The following CMPK2 variants were observed in gnomAD, a reference collection of about 807,000 sequenced individuals.
The protein encoded by CMPK2 is UMP-CMP kinase 2, mitochondrial.
A neutral mutation model predicts 33.4 loss-of-function variants in CMPK2; 32 were observed. That is an observed-to-expected ratio of 0.96 (90% CI 0.72 to 1.29). The LOEUF (loss-of-function observed/expected upper bound fraction) is 1.29. Among genes scored for constraint, CMPK2 ranks in the 50% most tolerant of loss-of-function variants. The probability of loss-of-function intolerance (pLI) is 0.00; values close to 1 mark genes in which losing one functional copy is unlikely to be tolerated. For missense variants in CMPK2, 672 were observed against 616.0 expected, an observed-to-expected ratio of 1.09 and a Z score of -0.96; for synonymous variants, 299 against 275.3, an observed-to-expected ratio of 1.09 and a Z score of -0.85.
At chr2:6,842,117 A>C (rs140067251) in intron 3 of CMPK2, among the ~76,000 whole-genome samples, 1 of 152,272 alleles carries the variant, frequency 6.6e-6, no homozygotes, top group East Asian at 1.9e-4. Context: ...CTTGTTCTAT[A>C]ATAGAACTTT....
At chr2:6,842,211 T>C (rs1366192343) in intron 3 of CMPK2, among the ~76,000 whole-genome samples, 2 of 152,224 alleles carry the variant, frequency 1.3e-5, no homozygotes, top group Admixed American at 1.3e-4. Context: ...ATCACTATTT[T>C]TTCACAATCA....
chr2:6,847,217 C>T (rs1021158736), downstream of CMPK2, among the ~76,000 whole-genome samples: 1 of 152,132 alleles, frequency 6.6e-6, no homozygotes, highest in Non-Finnish European at 1.5e-5. Context: ...TGGCCTAGGA[C>T]CTTTGCCTGG....
intron 3 of CMPK2, among the ~76,000 whole-genome samples, chr2:6,856,806 T>A (rs1023431001): frequency 4.6e-5 from 7 of 152,218 alleles, no homozygotes; most frequent in Admixed American, 4.6e-4. Flanking sequence ...AACATTACGG[T>A]TTTGTAATGT....
At chr2:6,845,504 T>A (rs1285065197), downstream of CMPK2, among the ~76,000 whole-genome samples, 1 of 152,140 alleles carries the variant, frequency 6.6e-6, no homozygotes, top group East Asian at 1.9e-4. Flanking sequence ...CCATCATAGG[T>A]GCCGCCCCAT....
chr2:6,845,691 G>C (rs985167044), downstream of CMPK2, among the ~76,000 whole-genome samples: 1 of 152,168 alleles, frequency 6.6e-6, no homozygotes, highest in Non-Finnish European at 1.5e-5. Context: ...AGTTGGGTTT[G>C]GGCAAGACTC....
At chr2:6,855,266 G>A (rs1662651352) in intron 3 of CMPK2, among the ~76,000 whole-genome samples, 1 of 151,744 alleles carries the variant, frequency 6.6e-6, no homozygotes. Context: ...GAGTTGTCAT[G>A]AGATCTGGGT....
chr2:6,865,738 G>A lies in CMPK2; in HGVS notation c.-42C>T. On this transcript the variant is annotated 5_prime_UTR_variant, in exon 1 of 5. Coordinates refer to ENST00000256722, the MANE Select transcript of CMPK2 (RefSeq NM_207315.4). ...CCGCCCTCGGCCCCGCCTCGGAAACGAAACCTGGCGGGAGCCAGGCGCCGG... is the reference window on the plus strand; with the variant it reads ...CCGCCCTCGGCCCCGCCTCGGAAACAAAACCTGGCGGGAGCCAGGCGCCGG... The A allele has an allele frequency of 2.4e-6, 3 of 1,276,268 alleles. No individual in the cohort carries two copies. In the South Asian group the frequency reaches 7.3e-5, roughly 31 times the overall value. The allele number at this position is 1,276,268 out of a possible 1,614,324, so 79.1% of individuals were successfully genotyped here.
At chr2:6,845,688 T>C (rs1204415905), downstream of CMPK2, among the ~76,000 whole-genome samples, 1 of 152,142 alleles carries the variant, frequency 6.6e-6, no homozygotes, top group Non-Finnish European at 1.5e-5. Context: ...AGTAGTTGGG[T>C]TTGGGCAAGA....
chr2:6,857,557 C>T (rs1055804931), intron 3 of CMPK2, among the ~76,000 whole-genome samples: 3 of 151,684 alleles, frequency 2.0e-5, no homozygotes, highest in African/African-American at 4.8e-5. Flanking sequence ...GGCTCAAGCA[C>T]TCTTCCCACC....
In CMPK2 at chr2:6,863,484, A is replaced by G. The variant is rs1426894582; in HGVS notation, c.770T>C (p.Ile257Thr). 5.0e-6 allele frequency: 8 copies of G among 1,614,144 alleles called. No homozygotes were observed. Among genetic ancestry groups the G allele is most frequent in the Non-Finnish European group, 6.8e-6 (8 of 1,180,000 alleles). Reference protein sequence around the residue: ...IQKGKFQVVAIEGLDATGKTT... With the variant: ...IQKGKFQVVATEGLDATGKTT... ...CTTACCCGTGGCATCCAGTCCTTCG[A>G]TGGCAACAACCTGGAACTTTCCTTT... is the stretch of plus-strand genomic sequence containing the variant. Residue 257 changes from isoleucine (I) to threonine (T), a missense_variant, in exon 2 of 5, where the codon ATC becomes ACC. Ile to Thr is a moderately conservative substitution (Grantham distance 89). Transcript: ENST00000256722.
chr2:6,855,171 A>G (rs1025130669), intron 3 of CMPK2, among the ~76,000 whole-genome samples: 2 of 151,750 alleles, frequency 1.3e-5, no homozygotes, highest in Admixed American at 6.6e-5. Flanking sequence ...CACCAACCTA[A>G]TAATTCCCAT....
rs913511070 is a variant in CMPK2, at chr2:6,851,026, C to T, written c.1226+424G>A. 30 of 1,026,408 alleles carry T rather than the reference C, an allele frequency of 2.9e-5. 1 individual carries two copies. The highest frequency in any genetic ancestry group is 1.0e-4 in the Admixed American group (2 of 19,816). The allele number at this position is 1,026,408 out of a possible 1,614,324, so 63.6% of individuals were successfully genotyped here. A position where few individuals can be genotyped will look rare whatever the true frequency, so the allele number is the denominator to read the frequency against. ...CCTTAAAGTTGTAAACTGTAAAATA[C>T]GGCTAATGTTTTCCTCACAAGGATG... On this transcript the variant is annotated intron_variant, in intron 4 of 4. Coordinates refer to ENST00000256722, the MANE Select transcript of CMPK2 (RefSeq NM_207315.4).
Position 6,865,538 on chromosome 2 carries a change from G to A in CMPK2, c.159C>T (p.Gly53=), listed in dbSNP as rs1480638507. The A allele has an allele frequency of 2.3e-6, 3 of 1,301,404 alleles. No individual in the cohort carries two copies. The highest frequency in any genetic ancestry group is 1.9e-6 in the Non-Finnish European group (2 of 1,030,292). The allele number at this position is 1,301,404 out of a possible 1,614,324, so 80.6% of individuals were successfully genotyped here. Residue 53 remains glycine (G), a synonymous_variant, in exon 1 of 5, where the codon GGC becomes GGT. Coordinates refer to ENST00000256722, the MANE Select transcript of CMPK2 (RefSeq NM_207315.4). ...GGCGGGGGTCGGGGGCGTCTGCGTCGCCGGGGGCGTCGGCGCCTAGGGCGA... is the reference window on the plus strand; with the variant it reads ...GGCGGGGGTCGGGGGCGTCTGCGTCACCGGGGGCGTCGGCGCCTAGGGCGA... ...AHFALGADAP[G]DADAPDPRLA... is the part of the protein sequence containing the mutation.
chr2:6,848,549 T>C lies in CMPK2; in HGVS notation c.*1301A>G. On this transcript the variant is annotated 3_prime_UTR_variant, in exon 5 of 5. Transcript: ENST00000256722. The stretch of plus-strand genomic sequence containing the variant: ...ATACACATATTATATAGAAATTACC[T>C]ATAGCTCTTTTAAAAATCCTATGAC... 1.1e-6 allele frequency: 1 copy of C among 950,866 alleles called. No individual in the cohort carries two copies. The highest frequency in any genetic ancestry group is 1.3e-6 in the Non-Finnish European group (1 of 798,524). 58.9% of individuals were successfully genotyped at this position (950,866 alleles called of 1,614,324 possible).
chr2:6,856,545 G>C (rs913420452), intron 3 of CMPK2, among the ~76,000 whole-genome samples: 1 of 152,158 alleles, frequency 6.6e-6, no homozygotes, highest in African/African-American at 2.4e-5. Flanking sequence ...ATACTTAAAT[G>C]CAATTGCTTA....
At chr2:6,852,339 A>G (rs1662548045) in intron 3 of CMPK2, among the ~76,000 whole-genome samples, 1 of 152,208 alleles carries the variant, frequency 6.6e-6, no homozygotes, top group African/African-American at 2.4e-5. Flanking sequence ...CATACACAAA[A>G]GTCAAATCAG....
At chr2:6,844,957 G>T (rs1326675521), downstream of CMPK2, among the ~76,000 whole-genome samples, 2 of 152,158 alleles carry the variant, frequency 1.3e-5, no homozygotes, top group Non-Finnish European at 2.9e-5. Context: ...AATAAGTGAG[G>T]CAGGTAGGGC....
intron 3 of CMPK2, among the ~76,000 whole-genome samples, chr2:6,859,631 G>C (rs1345966520): frequency 6.6e-6 from 1 of 152,236 alleles, no homozygotes; most frequent in East Asian, 1.9e-4. Flanking sequence ...CAGGTACACA[G>C]AAGTCAAGAA....
In CMPK2 at chr2:6,865,225, G is replaced by T. The variant is rs764387528; in HGVS notation, c.472C>A (p.Arg158Ser). Residue 158 changes from arginine to serine, a missense_variant, in exon 1 of 5, where the codon CGC becomes AGC. Coordinates refer to ENST00000256722, the MANE Select transcript of CMPK2 (RefSeq NM_207315.4). ...ELLGACQEAP[R>S]PHLGEFEADP... ...GCCTCGAACTCGCCCAAGTGCGGGC[G>T]TGGTGCCTCCTGACAGGCGCCCAGC... 4.6e-6 allele frequency: 7 copies of T among 1,535,778 alleles called. No homozygotes were observed. Among genetic ancestry groups the T allele is most frequent in the South Asian group, 1.2e-5 (1 of 84,030 alleles).
Sources: allele counts gnomAD v4.1 joint callset (sites outside exome capture counted in the v4.1 genomes callset), GRCh38; gene constraint gnomAD v4.1.1; transcripts MANE v1.5; gene names NCBI Gene and HGNC (gene_info 2026-07-23, HGNC 2026-07-21).